Variants in CHRM3 observed in about 807,000 individuals in gnomAD.
The protein encoded by CHRM3 is cholinergic receptor muscarinic 3.
Under a neutral mutation model 41.8 loss-of-function variants are expected in CHRM3, and 11 were observed. The observed-to-expected ratio is 0.26, with a 90% CI of 0.17 to 0.44. The LOEUF is 0.44. Ranked by LOEUF, CHRM3 falls within the 20% of genes least tolerant of loss-of-function variation. The pLI is 1.00. For synonymous variants in CHRM3, 297 were observed against 301.4 expected, an observed-to-expected ratio of 0.99 and a Z score of 0.15; for missense variants, 571 against 745.4, an observed-to-expected ratio of 0.77 and a Z score of 2.72.
intron 6 of CHRM3, among the ~76,000 whole-genome samples, chr1:239,897,406 A>G (rs1445755437): frequency 6.6e-6 from 1 of 152,174 alleles, no homozygotes; most frequent in African/African-American, 2.4e-5. Flanking sequence ...CAGTACCTAA[A>G]CTGACATATT....
In CHRM3 at chr1:239,713,299, A is replaced by G. The variant is rs372995868; in HGVS notation, c.-147+35011A>G. 2.8e-4 allele frequency among the ~76,000 whole-genome samples: 43 copies of G among 152,206 alleles called. No homozygotes were observed. The East Asian group carries it at 7.2e-3, about 25-fold the overall frequency. On this transcript the variant is annotated intron_variant, in intron 5 of 6. Coordinates refer to ENST00000676153, the MANE Select transcript of CHRM3 (RefSeq NM_001375978.1). ...CTGAGTTCTGGGTGTCCATTCCTTAATCTGTAATTATGGATGACACTATTT... is the reference window on the plus strand; with the variant it reads ...CTGAGTTCTGGGTGTCCATTCCTTAGTCTGTAATTATGGATGACACTATTT...
chr1:239,396,169 A>G (rs7552265), intron 1 of CHRM3, among the ~76,000 whole-genome samples: 23,138 of 152,100 alleles, frequency 0.15, 2,364 homozygotes, highest in East Asian at 0.34. Context: ...TCTCACTTTT[A>G]TCCCTGATTA....
intron 3 of CHRM3, among the ~76,000 whole-genome samples, chr1:239,608,701 A>T (rs867263778): frequency 2.0e-5 from 3 of 152,232 alleles, no homozygotes; most frequent in African/African-American, 7.2e-5. Context: ...GAAGGTCAAC[A>T]TTTGTGGGTT....
intron 3 of CHRM3, among the ~76,000 whole-genome samples, chr1:239,548,954 T>C (rs988617191): frequency 2.6e-5 from 4 of 152,128 alleles, no homozygotes; most frequent in African/African-American, 9.7e-5. Flanking sequence ...ATTTACAAAA[T>C]AAAGAGGTTT....
intron 5 of CHRM3, among the ~76,000 whole-genome samples, chr1:239,754,398 C>T (rs962270766): frequency 3.3e-5 from 5 of 152,136 alleles, no homozygotes; most frequent in African/African-American, 1.2e-4. Flanking sequence ...GACATTTAGG[C>T]AGATCTTCTA....
chr1:239,532,693 A>C (rs1651163492), intron 2 of CHRM3, among the ~76,000 whole-genome samples: 1 of 152,028 alleles, frequency 6.6e-6, no homozygotes, highest in Admixed American at 6.6e-5. Flanking sequence ...ATCCTGAAAA[A>C]TAGAAAAATG....
chr1:239,862,991 C>T (rs1675761819), intron 6 of CHRM3, among the ~76,000 whole-genome samples: 1 of 152,172 alleles, frequency 6.6e-6, no homozygotes, highest in Non-Finnish European at 1.5e-5. Context: ...TGTCAGATTA[C>T]AGAATCTGTT....
intron 4 of CHRM3, among the ~76,000 whole-genome samples, chr1:239,648,001 T>A (rs1235670566): frequency 6.6e-6 from 1 of 152,228 alleles, no homozygotes; most frequent in Non-Finnish European, 1.5e-5. Context: ...TCTATTTCAC[T>A]GTTTGAAATA....
At chr1:239,606,840 T>C (rs6429144) in intron 3 of CHRM3, among the ~76,000 whole-genome samples, 102,045 of 151,920 alleles carry the variant, frequency 0.67, 35,833 homozygotes, top group Admixed American at 0.79. Flanking sequence ...AAATGGTCTC[T>C]TCTGTGCACC....
chr1:239,577,315 A>T (rs1662459985), intron 3 of CHRM3, among the ~76,000 whole-genome samples: 1 of 152,048 alleles, frequency 6.6e-6, no homozygotes, highest in African/African-American at 2.4e-5. Context: ...ATATCCTTTT[A>T]ATTTTTTTAA....
At chr1:239,683,369 A>G (rs965272021) in intron 5 of CHRM3, among the ~76,000 whole-genome samples, 1 of 152,172 alleles carries the variant, frequency 6.6e-6, no homozygotes, top group Non-Finnish European at 1.5e-5. Flanking sequence ...TTAGAAGACT[A>G]TATCTGGTGT....
chr1:239,905,052 A>G (rs1679864747), intron 6 of CHRM3, among the ~76,000 whole-genome samples: 2 of 152,244 alleles, frequency 1.3e-5, no homozygotes, highest in African/African-American at 2.4e-5. Flanking sequence ...CCCCAAGACC[A>G]TGAAAATTGA....
intron 6 of CHRM3, among the ~76,000 whole-genome samples, chr1:239,852,541 AAGTC>A (rs1394626095): frequency 6.6e-6 from 1 of 152,188 alleles, no homozygotes; most frequent in Non-Finnish European, 1.5e-5. Context: ...AAAGACTATA[AAGTC>A]ATAGTAGCCA....
chr1:239,547,125 A>T, intron 3 of CHRM3, among the ~76,000 whole-genome samples: 1 of 152,214 alleles, frequency 6.6e-6, no homozygotes, highest in East Asian at 1.9e-4. Context: ...GGTCTGTTAC[A>T]TGAATAAAAT....
intron 4 of CHRM3, among the ~76,000 whole-genome samples, chr1:239,644,875 G>A (rs907561579): frequency 3.9e-5 from 6 of 152,196 alleles, no homozygotes; most frequent in Non-Finnish European, 5.9e-5. Context: ...GGACTGGACA[G>A]AAGTATTGGC....
At chr1:239,448,818 C>T (rs1165168768) in intron 1 of CHRM3, among the ~76,000 whole-genome samples, 1 of 152,058 alleles carries the variant, frequency 6.6e-6, no homozygotes, top group Non-Finnish European at 1.5e-5. Flanking sequence ...ATCTTAAAAT[C>T]AGGTGCAGCA....
intron 6 of CHRM3, among the ~76,000 whole-genome samples, chr1:239,904,206 G>A (rs1401843089): frequency 6.6e-6 from 1 of 152,176 alleles, no homozygotes; most frequent in Non-Finnish European, 1.5e-5. Flanking sequence ...GAGTGAAGGA[G>A]ATTTCAGAAA....
At chr1:239,888,552 C>T (rs1006347200) in intron 6 of CHRM3, among the ~76,000 whole-genome samples, 78 of 147,038 alleles carry the variant, frequency 5.3e-4, no homozygotes, top group Admixed American at 3.4e-3. Context: ...GAGCCATGAT[C>T]GCACTACTGC....
chr1:239,506,451 G>C (rs575798014), intron 2 of CHRM3, among the ~76,000 whole-genome samples: 1 of 152,164 alleles, frequency 6.6e-6, no homozygotes, highest in South Asian at 2.1e-4. Context: ...CAGCTTCCAC[G>C]TGGTGTTGAG....
Sources: gnomAD v4.1 joint callset for allele counts (sites outside exome capture counted in the v4.1 genomes callset) on GRCh38, gnomAD v4.1.1 for gene constraint, MANE v1.5 for transcripts, NCBI Gene and HGNC (gene_info 2026-07-23, HGNC 2026-07-21) for gene names.